Variants in LMNA observed in about 807,000 individuals in gnomAD.
The protein encoded by LMNA is lamin.
Under a neutral mutation model 70.4 loss-of-function variants are expected in LMNA, and 20 were observed. The ratio of observed to expected loss-of-function variants is 0.28; its 90% CI spans 0.20 to 0.41. The LOEUF (loss-of-function observed/expected upper bound fraction) is 0.41, where lower values mean the gene tolerates loss of function less well. Ranked by LOEUF, LMNA falls within the 10% of genes least tolerant of loss-of-function variation. The probability of loss-of-function intolerance (pLI) is 1.00; values close to 1 mark genes in which losing one functional copy is unlikely to be tolerated. For missense variants in LMNA, 652 were observed against 917.2 expected (o/e 0.71, Z 3.73); for synonymous variants, 339 against 372.8 (o/e 0.91, Z 1.04).
chr1:156,133,204 C>T (rs777936152), intron 2 of LMNA, among the ~76,000 whole-genome samples: 4 of 152,106 alleles, frequency 2.6e-5, no homozygotes, highest in African/African-American at 4.8e-5. Flanking sequence ...ATCTTCCTGC[C>T]TCAGCCTCCC....
chr1:156,137,900 TATAC>T lies in LMNA; in HGVS notation c.1698+158_1698+161del. On this transcript the variant is annotated intron_variant, in intron 10 of 11. Coordinates refer to ENST00000368300, the MANE Select transcript of LMNA (RefSeq NM_170707.4). This position sits in a 1 kb window ranked among gnomAD's most constrained non-coding sequence, Gnocchi z 4.6. ...CCTGGCCTTTCTTCTCTCTCCTCCC[TATAC>T]CTTGAACAGGGAACCCAGGTGTCTG... The T allele has an allele frequency of 6.8e-7, 1 of 1,472,802 alleles. No individual in the cohort carries two copies. Among genetic ancestry groups the T allele is most frequent in the Non-Finnish European group, 9.0e-7 (1 of 1,106,272 alleles). 91.2% of individuals were successfully genotyped at this position (1,472,802 alleles called of 1,614,324 possible). A position where few individuals can be genotyped will look rare whatever the true frequency, so the allele number is the denominator to read the frequency against.
intron 1 of LMNA, among the ~76,000 whole-genome samples, chr1:156,125,374 C>T (rs1650481225): frequency 6.6e-6 from 1 of 151,792 alleles, no homozygotes; most frequent in African/African-American, 2.4e-5. Context: ...GGCGGGAAGT[C>T]AGCCTGGGCA....
chr1:156,131,544 T>G (rs998399044), intron 2 of LMNA, among the ~76,000 whole-genome samples: 1 of 152,222 alleles, frequency 6.6e-6, no homozygotes, highest in Middle Eastern at 3.4e-3. Flanking sequence ...GAGCTGTGAT[T>G]GCACCACTGC....
At chr1:156,121,104 C>T (rs1169494065) in intron 1 of LMNA, among the ~76,000 whole-genome samples, 1 of 140,000 alleles carries the variant, frequency 7.1e-6, no homozygotes, top group Admixed American at 7.8e-5. Context: ...GGCTGGAGTG[C>T]AGTGGCATGA....
In LMNA at chr1:156,101,632, AAGGAAGGGAGGGAGGG is replaced by A. The variant is rs1312358742; in HGVS notation, c.-207+11054_-207+11069del. On this transcript the variant is annotated intron_variant, in intron 3 of 12. Coordinates refer to the LMNA transcript ENST00000368301. ...TTACCCAGGAAGGAAGGACGGAAGG[AAGGAAGGGAGGGAGGG>A]AGGGAGGGAGGGAGGGAGGGAGCGA... Among the ~76,000 whole-genome samples, 550 of 81,476 alleles carry A rather than the reference AAGGAAGGGAGGGAGGG, an allele frequency of 6.8e-3. 3 individuals are homozygous for A. The highest frequency in any genetic ancestry group is 0.026 in the African/African-American group (540 of 20,678). The allele number at this position is 81,476 out of a possible 152,430, so 53.5% of individuals were successfully genotyped here. A position where few individuals can be genotyped will look rare whatever the true frequency, so the allele number is the denominator to read the frequency against.
Position 156,134,208 on chromosome 1 carries a change from T to C in LMNA, c.514-195T>C, listed in dbSNP as rs1306092685. On this transcript the variant is annotated intron_variant, in intron 2 of 11. Coordinates refer to ENST00000368300, the MANE Select transcript of LMNA (RefSeq NM_170707.4). The surrounding 1 kb of genome is among the most constrained non-coding windows in gnomAD (Gnocchi z 5.3). Reference sequence around the variant, plus strand: ...CTACTTTTTTGTATTAGATATATATTTTCTCTCTTAGCACAGTACCTACCA... The same window carrying C: ...CTACTTTTTTGTATTAGATATATATCTTCTCTCTTAGCACAGTACCTACCA... 3.3e-5 allele frequency among the ~76,000 whole-genome samples: 5 copies of C among 152,220 alleles called. No homozygotes were observed. The highest frequency in any genetic ancestry group is 1.2e-4 in the African/African-American group (5 of 41,538).
At chr1:156,126,028 T>C in intron 1 of LMNA, 1 of 352,810 alleles carries the variant, frequency 2.8e-6, no homozygotes, top group Admixed American at 4.8e-5. Context: ...CAATTAAAAA[T>C]TTTAAATTAA....
intron 2 of LMNA, among the ~76,000 whole-genome samples, chr1:156,131,088 G>A (rs961513054): frequency 2.0e-5 from 3 of 151,950 alleles, no homozygotes; most frequent in African/African-American, 7.3e-5. Context: ...TGACTAACAT[G>A]GTGAAACCCC....
At chr1:156,100,657 G>C (rs1649110818) in intron 3 of LMNA, among the ~76,000 whole-genome samples, 1 of 152,142 alleles carries the variant, frequency 6.6e-6, no homozygotes, top group Non-Finnish European at 1.5e-5. Flanking sequence ...ATGAGGTGCT[G>C]AGGAGTAAGG....
At chr1:156,121,434 TA>T (rs1456487587) in intron 1 of LMNA, among the ~76,000 whole-genome samples, 2 of 152,064 alleles carry the variant, frequency 1.3e-5, no homozygotes, top group Non-Finnish European at 2.9e-5. Context: ...AAAGAGAGAA[TA>T]ATTCCTCACT....
At chr1:156,126,567 G>C in intron 1 of LMNA, 1 of 792,446 alleles carries the variant, frequency 1.3e-6, no homozygotes, top group Non-Finnish European at 2.2e-6. Context: ...ACAGCCCCAA[G>C]GGCCCGGGCC....
chr1:156,101,572 T>C (rs1168426094), intron 3 of LMNA, among the ~76,000 whole-genome samples: 3 of 127,944 alleles, frequency 2.3e-5, no homozygotes, highest in Non-Finnish European at 4.7e-5. Flanking sequence ...GAGGCAAGGG[T>C]GGAGGCAGAG....
chr1:156,099,282 G>C (rs1419252616), intron 3 of LMNA, among the ~76,000 whole-genome samples: 1 of 152,114 alleles, frequency 6.6e-6, no homozygotes, highest in Non-Finnish European at 1.5e-5. Context: ...TGACTTTTCT[G>C]CCCAGAGGAG....
At position 156,095,208 on chromosome 1, in the gene LMNA, C is replaced by G. The variant is rs1026463702; in HGVS notation, c.-207+4626C>G. On this transcript the variant is annotated intron_variant, in intron 3 of 12. Transcript: ENST00000368301. ...CCTCCCAAAGTGATGGGATTACAGG[C>G]GTTAGCCACTGCACCCGGCCAACTC... Among the ~76,000 whole-genome samples the G allele has an allele frequency of 1.6e-4, 24 of 152,234 alleles. No homozygotes were observed. In the East Asian group the frequency reaches 4.3e-3, roughly 27 times the overall value.
Position 156,134,584 on chromosome 1 carries a change from G to T in LMNA, c.639+56G>T, listed in dbSNP as rs11264442. 54,446 of 1,610,846 alleles carry T rather than the reference G, an allele frequency of 0.034. 1,989 individuals are homozygous for T. The highest frequency in any genetic ancestry group is 0.18 in the African/African-American group (13,466 of 74,906). On this transcript the variant is annotated intron_variant, in intron 3 of 11. Transcript: ENST00000368300. The surrounding 1 kb of genome is among the most constrained non-coding windows in gnomAD (Gnocchi z 5.3). ...TGGGGCTGGGTGATGACAGACTTGGGCTGGGCTAGGGGGGACCAGCTGTGT... is the reference window on the plus strand; with the variant it reads ...TGGGGCTGGGTGATGACAGACTTGGTCTGGGCTAGGGGGGACCAGCTGTGT...
intron 2 of LMNA, 44 bp downstream of exon 2, chr1:156,130,817 A>G (rs1650996791): frequency 6.5e-7 from 1 of 1,537,742 alleles, no homozygotes; most frequent in African/African-American, 1.4e-5. Flanking sequence ...CACCTAACAC[A>G]TGTACACTCA....
At chr1:156,113,677 T>C (rs2485662), upstream of LMNA, among the ~76,000 whole-genome samples, 99,853 of 151,928 alleles carry the variant, frequency 0.66, 34,257 homozygotes, top group East Asian at 0.91. Flanking sequence ...AGAGACCCAA[T>C]ATTGGCTGTC....
In LMNA at chr1:156,138,830, C is replaced by G. The variant is rs896091346; in HGVS notation, c.1968+73C>G. On this transcript the variant is annotated intron_variant, in intron 11 of 11. Coordinates refer to ENST00000368300, the MANE Select transcript of LMNA (RefSeq NM_170707.4). The surrounding 1 kb of genome is among the most constrained non-coding windows in gnomAD (Gnocchi z 5.5). ...TCATCGAGGGGTAGGACGAGGTGGC[C>G]TTGCAGGGGGGAGAGCCTGCCTTCT... The G allele has an allele frequency of 3.4e-5, 54 of 1,591,108 alleles. No homozygotes were observed. The African/African-American group carries it at 5.9e-4, about 17-fold the overall frequency.
At chr1:156,118,331 C>A (rs1282843801) in intron 1 of LMNA, among the ~76,000 whole-genome samples, 1 of 152,212 alleles carries the variant, frequency 6.6e-6, no homozygotes, top group Non-Finnish European at 1.5e-5. Flanking sequence ...TCGATATTCT[C>A]TTGCTCACCC....
Sources: allele counts gnomAD v4.1 joint callset (sites outside exome capture counted in the v4.1 genomes callset), GRCh38; gene constraint gnomAD v4.1.1; non-coding constraint Gnocchi (gnomAD v3.1); transcripts MANE v1.5; gene names NCBI Gene and HGNC (gene_info 2026-07-23, HGNC 2026-07-21).